DGKB: variants seen among roughly 807,000 people sequenced by gnomAD.
DGKB encodes the protein 90 kDa diacylglycerol kinase.
In DGKB, 67 loss-of-function variants were observed where a neutral mutation model predicts 114.3. That is an observed-to-expected ratio of 0.59 (90% confidence interval 0.48 to 0.72). DGKB has a LOEUF of 0.72. DGKB is among the 30% of genes least tolerant of loss of function. The probability of loss-of-function intolerance (pLI) is 0.00; values close to 1 mark genes in which losing one functional copy is unlikely to be tolerated. For synonymous variants in DGKB, 398 were observed against 323.1 expected (o/e 1.23, Z -2.49); for missense variants, 907 against 975.2 (o/e 0.93, Z 0.93).
chr7:14,708,692 C>G (rs1381264161), intron 6 of DGKB, among the ~76,000 whole-genome samples: 1 of 151,354 alleles, frequency 6.6e-6, no homozygotes, highest in East Asian at 1.9e-4. Flanking sequence ...TTTGACAAAC[C>G]TGAGAAAAAC....
intron 13 of DGKB, among the ~76,000 whole-genome samples, chr7:14,663,170 T>C (rs142789347): frequency 2.6e-4 from 39 of 152,120 alleles, no homozygotes; most frequent in Admixed American, 5.9e-4. Flanking sequence ...ACCAATTTAC[T>C]CTCTCACCTG....
intron 2 of DGKB, among the ~76,000 whole-genome samples, chr7:14,799,584 G>T (rs1841868346): frequency 1.3e-5 from 2 of 152,214 alleles, no homozygotes; most frequent in Admixed American, 6.5e-5. Flanking sequence ...CTAAGGTGAA[G>T]AAAAAGTTGT....
chr7:14,385,836 T>G (rs1179542123), intron 21 of DGKB, among the ~76,000 whole-genome samples: 1 of 152,208 alleles, frequency 6.6e-6, no homozygotes, highest in Non-Finnish European at 1.5e-5. Flanking sequence ...TAGTAGTGAG[T>G]ACAAATAATA....
chr7:14,346,142 G>A (rs569001786), intron 21 of DGKB, among the ~76,000 whole-genome samples: 6 of 151,626 alleles, frequency 4.0e-5, no homozygotes, highest in African/African-American at 1.4e-4. Flanking sequence ...TTTTTGTTAT[G>A]GTATTCGAGT....
intron 6 of DGKB, among the ~76,000 whole-genome samples, chr7:14,711,846 G>A (rs776362625): frequency 2.0e-5 from 3 of 152,088 alleles, no homozygotes; most frequent in Non-Finnish European, 4.4e-5. Context: ...CTGAGTATAA[G>A]GATACAATAC....
At chr7:14,950,435 CA>C (rs1786125425) in intron 1 of DGKB, among the ~76,000 whole-genome samples, 1 of 151,346 alleles carries the variant, frequency 6.6e-6, no homozygotes, top group South Asian at 2.1e-4. Context: ...AAATGGAGAA[CA>C]AAAAAGCTGT....
chr7:14,256,412 T>TA (rs1795975676), intron 23 of DGKB, among the ~76,000 whole-genome samples: 1 of 151,846 alleles, frequency 6.6e-6, no homozygotes, highest in African/African-American at 2.4e-5. Context: ...CTTGAAAGCC[T>TA]CTCTTAAAGT....
intron 2 of DGKB, 43 bp from the exon 3 acceptor site, chr7:14,757,774 CTGTGG>C (rs1562459572): frequency 2.6e-6 from 3 of 1,140,072 alleles, no homozygotes; most frequent in Non-Finnish European, 3.9e-6. Flanking sequence ...TATGCACATA[CTGTGG>C]TTGTGTAGCC....
intron 23 of DGKB, among the ~76,000 whole-genome samples, chr7:14,236,261 GAA>G (rs530352229): frequency 4.3e-4 from 66 of 151,734 alleles, no homozygotes; most frequent in Middle Eastern, 3.4e-3. Flanking sequence ...CTCCCAACAT[GAA>G]AGACAGCTTA....
chr7:14,205,014 TC>T (rs756709247), intron 23 of DGKB, among the ~76,000 whole-genome samples: 5 of 152,044 alleles, frequency 3.3e-5, no homozygotes, highest in Non-Finnish European at 7.4e-5. Flanking sequence ...CATTCTTCCT[TC>T]ATGTTCCCAT....
chr7:14,280,905 C>A (rs973983802), intron 23 of DGKB, among the ~76,000 whole-genome samples: 1 of 151,874 alleles, frequency 6.6e-6, no homozygotes, highest in African/African-American at 2.4e-5. Flanking sequence ...ACTGCAAAAT[C>A]ATGCCAAAAT....
chr7:14,693,961 C>A, intron 9 of DGKB, 114 bp downstream of exon 9: 2 of 1,212,920 alleles, frequency 1.6e-6, no homozygotes, highest in Non-Finnish European at 1.1e-6. Flanking sequence ...AAGTTCCAGG[C>A]ACTCACTGCA....
chr7:14,804,851 C>A (rs1842603298), intron 2 of DGKB, among the ~76,000 whole-genome samples: 1 of 151,988 alleles, frequency 6.6e-6, no homozygotes, highest in Non-Finnish European at 1.5e-5. Flanking sequence ...TGTCTCTTTT[C>A]AAGTACACCT....
intron 2 of DGKB, among the ~76,000 whole-genome samples, chr7:14,840,308 T>G (rs1226612563): frequency 1.3e-5 from 2 of 152,066 alleles, no homozygotes; most frequent in African/African-American, 4.8e-5. Flanking sequence ...CTTATTGCAT[T>G]CTCTATATAT....
intron 1 of DGKB, among the ~76,000 whole-genome samples, chr7:14,867,582 A>C (rs1166577467): frequency 2.0e-5 from 3 of 152,092 alleles, no homozygotes; most frequent in Non-Finnish European, 4.4e-5. Flanking sequence ...AACTTTTTTC[A>C]ACCTCATTTG....
At chr7:14,916,430 C>A (rs1177727044) in intron 1 of DGKB, among the ~76,000 whole-genome samples, 1 of 151,790 alleles carries the variant, frequency 6.6e-6, no homozygotes. Context: ...AAAGATTCAA[C>A]AAATATATTA....
At chr7:14,154,170 GTTTTGTCTTTTTTTTTTTTTTT>G (rs1782629452) in intron 25 of DGKB, among the ~76,000 whole-genome samples, 1 of 124,660 alleles carries the variant, frequency 8.0e-6, no homozygotes, top group Admixed American at 9.7e-5. Flanking sequence ...ATATGGTAGA[GTTTTGTCTTTTTTTTTTTTTTT>G]TTTTTAAGAA....
At chr7:14,483,089 T>C (rs946503786) in intron 20 of DGKB, among the ~76,000 whole-genome samples, 5 of 152,146 alleles carry the variant, frequency 3.3e-5, no homozygotes, top group Admixed American at 2.0e-4. Context: ...TCATAAATTA[T>C]GTTTTTTATT....
chr7:14,857,193 T>A (rs372313578), intron 1 of DGKB, among the ~76,000 whole-genome samples: 2 of 121,812 alleles, frequency 1.6e-5, no homozygotes, highest in African/African-American at 7.2e-5. Flanking sequence ...GCAAGGAAGA[T>A]CTCTCTCTCT....
Sources: allele counts gnomAD v4.1 joint callset (sites outside exome capture counted in the v4.1 genomes callset), GRCh38; gene constraint gnomAD v4.1.1; transcripts MANE v1.5; gene names NCBI Gene and HGNC (gene_info 2026-07-23, HGNC 2026-07-21).